Variants in RPS6KA5 observed in about 807,000 individuals in gnomAD.
RPS6KA5 encodes ribosomal protein S6 kinase alpha-5.
RPS6KA5 carries 27 observed loss-of-function variants against 85.5 expected under a neutral mutation model. The ratio of observed to expected loss-of-function variants is 0.32; its 90% CI spans 0.23 to 0.44. The LOEUF (loss-of-function observed/expected upper bound fraction) is 0.44. RPS6KA5 is among the 20% of genes least tolerant of loss of function. The pLI, the probability that RPS6KA5 is intolerant of heterozygous loss-of-function variation, is 1.00. For synonymous variants in RPS6KA5, 334 were observed against 348.2 expected, an observed-to-expected ratio of 0.96 and a Z score of 0.46; for missense variants, 811 against 980.9, an observed-to-expected ratio of 0.83 and a Z score of 2.31.
chr14:90,873,687 T>A lies in RPS6KA5; in HGVS notation c.2105A>T (p.Asp702Val). Residue 702 changes from aspartate (D) to valine (V), a missense_variant, in exon 16 of 17, where the codon GAT (aspartate) becomes GTT (valine). By Grantham distance (152) the Asp-to-Val change is radical. Transcript: ENST00000614987. Reference protein sequence around the residue: ...QLSSNPLMTPDILGSSGAAVH... With the variant: ...QLSSNPLMTPVILGSSGAAVH... ...GGCAGCTCCGGAAGATCCTAGAATA[T>A]CCGGAGTCATCAGAGGATTGGAGGA... 1 of 1,614,164 alleles carries A rather than the reference T, an allele frequency of 6.2e-7. No homozygotes were observed. The highest frequency in any genetic ancestry group is 1.7e-5 in the Admixed American group (1 of 60,016).
intron 1 of RPS6KA5, among the ~76,000 whole-genome samples, chr14:91,045,993 GTT>G (rs66671133): frequency 2.0e-5 from 3 of 151,504 alleles, no homozygotes; most frequent in East Asian, 1.9e-4. Flanking sequence ...GAAAGGCTTT[GTT>G]TCCCCGCTCT....
At chr14:90,991,726 G>C (rs956420456) in intron 2 of RPS6KA5, among the ~76,000 whole-genome samples, 2 of 144,730 alleles carry the variant, frequency 1.4e-5, no homozygotes, top group Non-Finnish European at 3.0e-5. Flanking sequence ...AAAAAGAAGA[G>C]AGATAAAGAG....
At chr14:90,955,570 GT>G (rs1160110763) in intron 3 of RPS6KA5, among the ~76,000 whole-genome samples, 1 of 151,968 alleles carries the variant, frequency 6.6e-6, no homozygotes, top group Admixed American at 6.6e-5. Flanking sequence ...ATTTCTTTTT[GT>G]TATTGATTTC....
chr14:90,996,934 T>C (rs752771237), intron 2 of RPS6KA5, among the ~76,000 whole-genome samples: 1 of 152,196 alleles, frequency 6.6e-6, no homozygotes, highest in Non-Finnish European at 1.5e-5. Context: ...AAACCCTATT[T>C]TTCTGGCAAT....
At chr14:90,974,100 G>GA (rs978545532) in intron 3 of RPS6KA5, among the ~76,000 whole-genome samples, 3 of 146,574 alleles carry the variant, frequency 2.0e-5, no homozygotes, top group East Asian at 2.1e-4. Context: ...ACTTCTAGGA[G>GA]AAAAAATATA....
rs983458578 is a variant in RPS6KA5 at position 90,866,513 on chromosome 14, T to C, written c.*5561A>G. On this transcript the variant is annotated 3_prime_UTR_variant, in exon 17 of 17. Transcript: ENST00000614987. Reference sequence around the variant, plus strand: ...AGCTGAGGCTTGGCTATACTTTTAATTGTCCACATAGAATAGAGGAAAAAC... The same window carrying C: ...AGCTGAGGCTTGGCTATACTTTTAACTGTCCACATAGAATAGAGGAAAAAC... 6.6e-6 allele frequency: 1 copy of C among 152,214 alleles called. No individual in the cohort carries two copies. Among genetic ancestry groups the C allele is most frequent in the African/African-American group, 2.4e-5 (1 of 41,454 alleles). The allele number at this position is 152,214 out of a possible 1,614,324, so 9.4% of individuals were successfully genotyped here. A position where few individuals can be genotyped will look rare whatever the true frequency, so the allele number is the denominator to read the frequency against.
intron 7 of RPS6KA5, among the ~76,000 whole-genome samples, chr14:90,907,844 T>C (rs2035595862): frequency 6.6e-6 from 1 of 152,222 alleles, no homozygotes; most frequent in African/African-American, 2.4e-5. Flanking sequence ...AGACAGAAAC[T>C]GGGAATCCTG....
At chr14:90,889,294 C>CAA (rs11450327) in intron 14 of RPS6KA5, among the ~76,000 whole-genome samples, 1,982 of 69,378 alleles carry the variant, frequency 0.029, 15 homozygotes, top group Middle Eastern at 0.043. Flanking sequence ...ACTTTGTCTC[C>CAA]AAAAAAAAAA....
In RPS6KA5 at chr14:90,860,892, T is replaced by A. The variant is rs990721105; in HGVS notation, c.*11182A>T. On this transcript the variant is annotated 3_prime_UTR_variant, in exon 17 of 17. Coordinates refer to ENST00000614987, the MANE Select transcript of RPS6KA5 (RefSeq NM_004755.4). Reference sequence around the variant, plus strand: ...GCAAACAAACAATATAGAGTCTATTTTTTTTTTTTTTTTTTTGAGATGGAG... The same window carrying A: ...GCAAACAAACAATATAGAGTCTATTATTTTTTTTTTTTTTTTGAGATGGAG... 9 of 148,408 alleles carry A rather than the reference T, an allele frequency of 6.1e-5. No individual in the cohort carries two copies. The highest frequency in any genetic ancestry group is 2.2e-4 in the African/African-American group (9 of 40,616). The allele number at this position is 148,408 out of a possible 1,614,324, so 9.2% of individuals were successfully genotyped here.
In RPS6KA5 at chr14:90,856,242, A is replaced by T. The variant is rs2140103321; in HGVS notation, c.*15832T>A. On this transcript the variant is annotated 3_prime_UTR_variant, in exon 17 of 17. Coordinates refer to ENST00000614987, the MANE Select transcript of RPS6KA5 (RefSeq NM_004755.4). ...TAGTTAGAAAAGATTTTCCAACCAT[A>T]ACATAACTATGCTTCAGAGTTGATG... 6.6e-6 allele frequency: 1 copy of T among 152,334 alleles called. No individual in the cohort carries two copies. The highest frequency in any genetic ancestry group is 6.5e-5 in the Admixed American group (1 of 15,308). 9.4% of individuals were successfully genotyped at this position (152,334 alleles called of 1,614,324 possible).
At chr14:90,909,513 G>A (rs1198929739) in intron 7 of RPS6KA5, among the ~76,000 whole-genome samples, 2 of 151,976 alleles carry the variant, frequency 1.3e-5, no homozygotes, top group African/African-American at 4.8e-5. Flanking sequence ...TCACAGATAC[G>A]GAAAGACTCC....
At position 90,890,723 on chromosome 14, in the gene RPS6KA5, T is replaced by C. The variant is rs367686358; in HGVS notation, c.1645-45A>G. On this transcript the variant is annotated intron_variant, in intron 13 of 16. Transcript: ENST00000614987. ...ACATTAGTTTCTCACTAGGCATGTC[T>C]TGGGAATTGCTGGTACTATTTATGT... is the stretch of plus-strand genomic sequence containing the variant. The C allele has an allele frequency of 5.3e-6, 8 of 1,522,322 alleles. No homozygotes were observed. In the African/African-American group the frequency reaches 5.5e-5, roughly 10 times the overall value. 94.3% of individuals were successfully genotyped at this position (1,522,322 alleles called of 1,614,324 possible).
chr14:90,887,405 G>A (rs1595129673), intron 14 of RPS6KA5, among the ~76,000 whole-genome samples: 1 of 151,720 alleles, frequency 6.6e-6, no homozygotes, highest in Admixed American at 6.6e-5. Context: ...GCCCTGGCTG[G>A]TCTTGAGCTC....
chr14:90,887,568 C>T (rs1440298638), intron 14 of RPS6KA5, among the ~76,000 whole-genome samples: 1 of 152,042 alleles, frequency 6.6e-6, no homozygotes, highest in Non-Finnish European at 1.5e-5. Context: ...TATCATTCAA[C>T]ATCTAATCAA....
intron 1 of RPS6KA5, among the ~76,000 whole-genome samples, chr14:91,029,517 T>C (rs939907673): frequency 6.6e-6 from 1 of 152,184 alleles, no homozygotes; most frequent in African/African-American, 2.4e-5. Context: ...CAGAGAGCTA[T>C]CTAAAACAGT....
chr14:91,044,063 C>T (rs1163723403), intron 1 of RPS6KA5, among the ~76,000 whole-genome samples: 1 of 151,878 alleles, frequency 6.6e-6, no homozygotes, highest in African/African-American at 2.4e-5. Flanking sequence ...CCTATCTCTA[C>T]TAAAAATACA....
At chr14:90,903,006 T>C (rs557301274) in intron 8 of RPS6KA5, 37 bp from the exon 9 acceptor site, 34 of 1,558,582 alleles carry the variant, frequency 2.2e-5, no homozygotes, top group South Asian at 1.9e-4. Context: ...TAGAAATCAA[T>C]AGTCAAAATG....
Position 90,902,796 on chromosome 14 carries a change from A to T in RPS6KA5, c.1119+12T>A, listed in dbSNP as rs777669436. 1.9e-6 allele frequency: 3 copies of T among 1,613,050 alleles called. No homozygotes were observed. Among genetic ancestry groups the T allele is most frequent in the Non-Finnish European group, 2.5e-6 (3 of 1,179,324 alleles). ...TATGGCCAATGTGCATGTGCACAGG[A>T]TGGGAAATTACCTGAAACAGCTTCT... is the stretch of plus-strand genomic sequence containing the variant. On this transcript the variant is annotated intron_variant, in intron 9 of 16. Transcript: ENST00000614987.
intron 14 of RPS6KA5, among the ~76,000 whole-genome samples, chr14:90,883,188 A>G (rs2033967799): frequency 6.6e-6 from 1 of 152,166 alleles, no homozygotes; most frequent in Non-Finnish European, 1.5e-5. Flanking sequence ...AAAGTTTTCC[A>G]CCAATCCAAT....
Sources: gnomAD v4.1 joint callset for allele counts (sites outside exome capture counted in the v4.1 genomes callset) on GRCh38, gnomAD v4.1.1 for gene constraint, MANE v1.5 for transcripts, NCBI Gene and HGNC (gene_info 2026-07-23, HGNC 2026-07-21) for gene names.